The following CDHR2 variants were observed in gnomAD, a reference collection of about 807,000 sequenced individuals.
CDHR2 encodes the protein cadherin related family member 2.
In CDHR2, 104 loss-of-function variants were observed where a neutral mutation model predicts 138.6. The ratio of observed to expected loss-of-function variants is 0.75; its 90% CI spans 0.64 to 0.88. The LOEUF (loss-of-function observed/expected upper bound fraction) is 0.88. CDHR2 is among the 40% of genes least tolerant of loss of function. The pLI is 0.00. For synonymous variants in CDHR2, 755 were observed against 742.8 expected (o/e 1.02, Z -0.27); for missense variants, 1,624 against 1,727.6 (o/e 0.94, Z 1.06).
intron 31 of CDHR2, among the ~76,000 whole-genome samples, chr5:176,594,100 T>G (rs1006826811): frequency 1.3e-5 from 2 of 152,084 alleles, no homozygotes; most frequent in African/African-American, 4.8e-5. Context: ...TGTGGCTGGA[T>G]CTGTGGACTG....
Position 176,543,424 on chromosome 5 carries a change from G to GC in CDHR2, c.-16+658dup, listed in dbSNP as rs1407322129. ...GGACCTCACCACCCGGGCGCGCGGG[G>GC]CCCACACCGGCTGCGCAGCTTCCAG... On this transcript the variant is annotated intron_variant, in intron 1 of 31. Coordinates refer to the CDHR2 transcript ENST00000510636. This position sits in a 1 kb window ranked among gnomAD's most constrained non-coding sequence, Gnocchi z 4.0. The GC allele has an allele frequency of 6.6e-6, 1 of 151,602 alleles. No homozygotes were observed. Among genetic ancestry groups the GC allele is most frequent in the African/African-American group, 2.4e-5 (1 of 41,376 alleles). The allele number at this position is 151,602 out of a possible 1,614,324, so 9.4% of individuals were successfully genotyped here. A position where few individuals can be genotyped will look rare whatever the true frequency, so the allele number is the denominator to read the frequency against.
rs193245792 is a variant in CDHR2, at chr5:176,576,866, C to T, written c.1195-533C>T. Among the ~76,000 whole-genome samples, 43 of 152,278 alleles carry T rather than the reference C, an allele frequency of 2.8e-4. No homozygotes were observed. The East Asian group carries it at 6.0e-3, about 21-fold the overall frequency. ...TGCTGGGATTGCAGGCGTGAGCCAC[C>T]GCGCCCAGCCATGGGAGGCACTCTT... On this transcript the variant is annotated intron_variant, in intron 12 of 31. Transcript: ENST00000261944. The surrounding 1 kb of genome is among the most constrained non-coding windows in gnomAD (Gnocchi z 4.5).
chr5:176,551,658 T>C (rs1385331707), intron 1 of CDHR2, among the ~76,000 whole-genome samples: 1 of 151,430 alleles, frequency 6.6e-6, no homozygotes, highest in Non-Finnish European at 1.5e-5. Flanking sequence ...ATGAGAACTA[T>C]TGGTATTGGC....
At chr5:176,572,964 C>T (rs181489831) in intron 6 of CDHR2, among the ~76,000 whole-genome samples, 22 of 152,288 alleles carry the variant, frequency 1.4e-4, no homozygotes, top group Admixed American at 1.0e-3. Context: ...ACAATGAGCA[C>T]GAGACAAGGC....
rs1281577646 is a variant in CDHR2 at position 176,569,001 on chromosome 5, C to G, written c.306C>G (p.Pro102=). The part of the protein sequence containing the change: ...TFKVTISVSD[P]YIQVQREMLV... ...AAGTCACCATCTCCGTGAGCGACCCCTACATCCAGGTGAGTTGGGAGGTGC... is the reference window on the plus strand; with the variant it reads ...AAGTCACCATCTCCGTGAGCGACCCGTACATCCAGGTGAGTTGGGAGGTGC... Residue 102 remains proline (P), a synonymous_variant, in exon 5 of 32, where the codon CCC becomes CCG. Coordinates refer to ENST00000261944, the MANE Select transcript of CDHR2 (RefSeq NM_017675.6). 1 of 1,613,982 alleles carries G rather than the reference C, an allele frequency of 6.2e-7. No homozygotes were observed.
At chr5:176,581,113 C>T (rs924368678) in intron 16 of CDHR2, among the ~76,000 whole-genome samples, 15 of 152,104 alleles carry the variant, frequency 9.9e-5, no homozygotes, top group African/African-American at 3.6e-4. Context: ...CCACAGTGGC[C>T]GTTTGTGAGA....
intron 1 of CDHR2, among the ~76,000 whole-genome samples, chr5:176,562,173 A>C (rs1757982187): frequency 6.6e-6 from 1 of 151,994 alleles, no homozygotes; most frequent in African/African-American, 2.4e-5. Flanking sequence ...GGAGCCATCG[A>C]AGGGTTTTGA....
chr5:176,584,328 C>T lies in CDHR2; in HGVS notation c.2128+69C>T, dbSNP rs564519020. ...AGTGTGGCTTTGTCAGGGTGGACCTCGAGTTCCAAGAGAGGCAAGGGCAGA... is the reference window on the plus strand; with the variant it reads ...AGTGTGGCTTTGTCAGGGTGGACCTTGAGTTCCAAGAGAGGCAAGGGCAGA... On this transcript the variant is annotated intron_variant, in intron 18 of 31. Coordinates refer to ENST00000261944, the MANE Select transcript of CDHR2 (RefSeq NM_017675.6). 2.0e-5 allele frequency: 32 copies of T among 1,613,298 alleles called. No individual in the cohort carries two copies. The African/African-American group carries it at 2.4e-4, about 12-fold the overall frequency.
chr5:176,590,037 G>A lies in CDHR2; in HGVS notation c.3207-41G>A, dbSNP rs200295168. The A allele has an allele frequency of 8.0e-5, 125 of 1,560,192 alleles. 2 individuals are homozygous for A. The African/African-American group carries it at 1.5e-3, about 19-fold the overall frequency. ...GGCACAGCCCTGGCCACAGGCCCAG[G>A]CTAAGACCCCAGGCCTCTGTGACAT... On this transcript the variant is annotated intron_variant, in intron 24 of 31. Transcript: ENST00000261944.
intron 16 of CDHR2, 44 bp downstream of exon 16, chr5:176,578,652 AC>A (rs1438050953): frequency 5.0e-6 from 8 of 1,599,828 alleles, no homozygotes; most frequent in Non-Finnish European, 5.9e-6. Context: ...GGGGGAGGGG[AC>A]CAAGCCTGCT....
chr5:176,572,952 C>T (rs1177656613), intron 6 of CDHR2, among the ~76,000 whole-genome samples: 3 of 152,178 alleles, frequency 2.0e-5, no homozygotes, highest in African/African-American at 7.2e-5. Context: ...GCGGTGAGCC[C>T]CACAATGAGC....
chr5:176,544,255 T>C (rs927883818), intron 1 of CDHR2, among the ~76,000 whole-genome samples: 1 of 152,260 alleles, frequency 6.6e-6, no homozygotes, highest in Non-Finnish European at 1.5e-5. Flanking sequence ...TTAGAGGGAA[T>C]GAGTGCCCTG....
intron 4 of CDHR2, 44 bp downstream of exon 4, chr5:176,568,861 G>A (rs1418411262): frequency 1.9e-6 from 3 of 1,612,094 alleles, no homozygotes; most frequent in East Asian, 2.2e-5. Context: ...CGGAGGGGGT[G>A]CTGGGAGGGC....
chr5:176,583,606 G>C (rs1428239079), intron 17 of CDHR2, among the ~76,000 whole-genome samples: 3 of 151,008 alleles, frequency 2.0e-5, no homozygotes, highest in Admixed American at 6.6e-5. Flanking sequence ...TGCCCAGTGG[G>C]CTAGGGCTGG....
chr5:176,584,054 A>T, intron 17 of CDHR2, 136 bp from the exon 18 acceptor site: 1 of 740,544 alleles, frequency 1.4e-6, no homozygotes, highest in Non-Finnish European at 2.3e-6. Flanking sequence ...CTGTCTCCTC[A>T]TCTGGGAAGT....
At position 176,575,571 on chromosome 5, in the gene CDHR2, C is replaced by T. The variant is rs574174277; in HGVS notation, c.834C>T (p.Tyr278=). ...GDKGINDPVI[Y]SISYSTRPGW... ...AAGGCATCAATGACCCTGTGATCTA[C>T]AGCATCTCCTGTGAGAACGGGGTGT... Residue 278 remains tyrosine (Y), a synonymous_variant, in exon 10 of 32, where the codon TAC becomes TAT. Coordinates refer to ENST00000261944, the MANE Select transcript of CDHR2 (RefSeq NM_017675.6). The T allele has an allele frequency of 2.5e-6, 4 of 1,614,058 alleles. No homozygotes were observed. The South Asian group carries it at 3.3e-5, about 13-fold the overall frequency.
chr5:176,590,495 G>A lies in CDHR2; in HGVS notation c.3414+10G>A, dbSNP rs772872625. 2.5e-6 allele frequency: 4 copies of A among 1,614,050 alleles called. No individual in the cohort carries two copies. The highest frequency in any genetic ancestry group is 2.2e-5 in the South Asian group (2 of 91,086). On this transcript the variant is annotated intron_variant, in intron 27 of 31. Transcript: ENST00000261944. ...GGGGCTGGTGGTGCTGGTGAGTGCG[G>A]GCAGGGCGGGGCAGCAGGTGGGGCT...
At chr5:176,579,320 C>T (rs1758474080) in intron 16 of CDHR2, among the ~76,000 whole-genome samples, 1 of 152,242 alleles carries the variant, frequency 6.6e-6, no homozygotes, top group Non-Finnish European at 1.5e-5. Flanking sequence ...TCTTGACCAG[C>T]TTTGGAAGCA....
rs2113330336 is a variant in CDHR2 at position 176,590,413 on chromosome 5, T to C, written c.3354-12T>C. 1 of 1,613,990 alleles carries C rather than the reference T, an allele frequency of 6.2e-7. No individual in the cohort carries two copies. The highest frequency in any genetic ancestry group is 8.5e-7 in the Non-Finnish European group (1 of 1,179,972). On this transcript the variant is annotated splice_polypyrimidine_tract_variant and intron_variant, in intron 26 of 31. Coordinates refer to ENST00000261944, the MANE Select transcript of CDHR2 (RefSeq NM_017675.6). ...CAAGGTCCCTCGGGCCTAAGTGGAG[T>C]TCTGTGGCCAGGATGATCCGGAATG...
Sources: gnomAD v4.1 joint callset for allele counts (sites outside exome capture counted in the v4.1 genomes callset) on GRCh38, gnomAD v4.1.1 for gene constraint, Gnocchi (gnomAD v3.1) non-coding constraint, MANE v1.5 for transcripts, NCBI Gene and HGNC (gene_info 2026-07-23, HGNC 2026-07-21) for gene names.